The following SSH2 variants were observed in gnomAD, a reference collection of about 807,000 sequenced individuals.
SSH2 encodes the protein slingshot protein phosphatase 2.
Under a neutral mutation model 135.2 loss-of-function variants are expected in SSH2, and 37 were observed. The ratio of observed to expected loss-of-function variants is 0.27; its 90% CI spans 0.21 to 0.36. The LOEUF (loss-of-function observed/expected upper bound fraction) is 0.36, where lower values mean the gene tolerates loss of function less well. Ranked by LOEUF, SSH2 falls within the 10% of genes least tolerant of loss-of-function variation. The pLI, the probability that SSH2 is intolerant of heterozygous loss-of-function variation, is 1.00. For missense variants in SSH2, 1,408 were observed against 1,765.3 expected, an observed-to-expected ratio of 0.80 and a Z score of 3.63; for synonymous variants, 628 against 646.2, an observed-to-expected ratio of 0.97 and a Z score of 0.43.
At chr17:29,908,027 G>A (rs1336947722) in intron 1 of SSH2, among the ~76,000 whole-genome samples, 1 of 151,710 alleles carries the variant, frequency 6.6e-6, no homozygotes, top group Non-Finnish European at 1.5e-5. Flanking sequence ...TGTTGCCCAG[G>A]CTCGTCTTGA....
At chr17:29,872,465 G>A (rs571553517) in intron 1 of SSH2, among the ~76,000 whole-genome samples, 4 of 152,256 alleles carry the variant, frequency 2.6e-5, no homozygotes, top group Non-Finnish European at 5.9e-5. Flanking sequence ...ACTAAAGAAG[G>A]CAGAGAAGTC....
intron 3 of SSH2, among the ~76,000 whole-genome samples, chr17:29,763,946 C>CTT (rs57261890): frequency 2.9e-5 from 4 of 139,732 alleles, no homozygotes; most frequent in African/African-American, 2.7e-5. Context: ...ATGTCTCCTG[C>CTT]TTTTTTTTTT....
chr17:29,754,162 T>A (rs182298884), intron 3 of SSH2, among the ~76,000 whole-genome samples: 212 of 152,302 alleles, frequency 1.4e-3, no homozygotes, highest in African/African-American at 4.2e-3. Context: ...CCTTAGGCCA[T>A]CATCATCAGC....
At chr17:29,663,716 T>C (rs1188056116) in intron 11 of SSH2, among the ~76,000 whole-genome samples, 3 of 152,214 alleles carry the variant, frequency 2.0e-5, no homozygotes, top group Non-Finnish European at 4.4e-5. Context: ...AGATGTGTAT[T>C]TAAAAAGTAA....
At chr17:29,891,045 C>T (rs894148379) in intron 1 of SSH2, among the ~76,000 whole-genome samples, 1 of 152,098 alleles carries the variant, frequency 6.6e-6, no homozygotes, top group African/African-American at 2.4e-5. Flanking sequence ...TGAGCCACCA[C>T]GCCCGGTCTG....
intron 3 of SSH2, among the ~76,000 whole-genome samples, chr17:29,791,559 G>C (rs144119197): frequency 6.6e-6 from 1 of 152,248 alleles, no homozygotes; most frequent in East Asian, 1.9e-4. Context: ...TTTATTCTGT[G>C]GTGAGTGATG....
intron 3 of SSH2, among the ~76,000 whole-genome samples, chr17:29,744,616 A>G (rs1386221632): frequency 6.6e-6 from 1 of 152,176 alleles, no homozygotes; most frequent in African/African-American, 2.4e-5. Context: ...GCTTATATAG[A>G]ACATTAAATA....
chr17:29,679,094 C>G (rs1202074765), intron 6 of SSH2, among the ~76,000 whole-genome samples: 1 of 152,116 alleles, frequency 6.6e-6, no homozygotes, highest in Non-Finnish European at 1.5e-5. Flanking sequence ...AAGCCATGGA[C>G]CCCTGATTGT....
intron 1 of SSH2, among the ~76,000 whole-genome samples, chr17:29,886,679 G>A (rs1002691920): frequency 6.6e-6 from 1 of 151,442 alleles, no homozygotes; most frequent in African/African-American, 2.4e-5. Context: ...CCCAGGCGGT[G>A]GAGGTTGCAG....
intron 1 of SSH2, among the ~76,000 whole-genome samples, chr17:29,923,335 A>AT (rs2067008863): frequency 6.6e-6 from 1 of 152,112 alleles, no homozygotes. Flanking sequence ...TAGAAAAAAA[A>AT]GGGCTGGGTG....
At chr17:29,661,089 CA>C (rs2037020764) in intron 11 of SSH2, among the ~76,000 whole-genome samples, 1 of 145,986 alleles carries the variant, frequency 6.8e-6, no homozygotes. Context: ...AAAAGAAAAG[CA>C]AATACTCATT....
In SSH2 at chr17:29,876,205, A is replaced by G. The variant is rs948962067; in HGVS notation, c.64-27276T>C. On this transcript the variant is annotated intron_variant, in intron 1 of 15. Coordinates refer to ENST00000540801, the MANE Select transcript of SSH2 (RefSeq NM_001282129.2). Reference sequence around the variant, plus strand: ...CTATCCTAAGGTAAAAAGAAAAAAAAAAAAAAAGGAGGAATCATATTACCT... The same window carrying G: ...CTATCCTAAGGTAAAAAGAAAAAAAGAAAAAAAGGAGGAATCATATTACCT... Among the ~76,000 whole-genome samples the G allele has an allele frequency of 2.4e-4, 36 of 152,106 alleles. No homozygotes were observed. The East Asian group carries it at 5.6e-3, about 24-fold the overall frequency.
intron 6 of SSH2, 80 bp downstream of exon 6, chr17:29,684,483 T>TAAA (rs11307211): frequency 1.4e-4 from 133 of 956,164 alleles, no homozygotes; most frequent in Non-Finnish European, 1.5e-4. Context: ...CCGTCCCCAT[T>TAAA]AAAAAAAAAA....
chr17:29,647,351 C>CA (rs1357563839), intron 14 of SSH2, among the ~76,000 whole-genome samples: 1 of 150,950 alleles, frequency 6.6e-6, no homozygotes, highest in Non-Finnish European at 1.5e-5. Context: ...GACCCTGTCT[C>CA]AAAAAACATA....
chr17:29,687,252 TGG>T (rs1567878527), intron 5 of SSH2, among the ~76,000 whole-genome samples: 15 of 152,180 alleles, frequency 9.9e-5, no homozygotes, highest in African/African-American at 3.6e-4. Flanking sequence ...GAGACTCCCA[TGG>T]CTATCTTTTT....
At chr17:29,672,748 G>C in intron 8 of SSH2, among the ~76,000 whole-genome samples, 1 of 152,282 alleles carries the variant, frequency 6.6e-6, no homozygotes, top group South Asian at 2.1e-4. Context: ...CTGTCACAGA[G>C]GCTGGAGTGC....
chr17:29,859,836 A>T (rs550121521), intron 1 of SSH2, among the ~76,000 whole-genome samples: 1 of 151,888 alleles, frequency 6.6e-6, no homozygotes, highest in Admixed American at 6.6e-5. Context: ...GTCGAATGGT[A>T]GCTCTGTTTT....
chr17:29,799,066 T>A (rs2042206642), intron 2 of SSH2, among the ~76,000 whole-genome samples: 1 of 152,250 alleles, frequency 6.6e-6, no homozygotes, highest in South Asian at 2.1e-4. Context: ...TTTCCCAATA[T>A]GCTTTTTAAA....
intron 2 of SSH2, among the ~76,000 whole-genome samples, chr17:29,829,454 T>G (rs2042800185): frequency 6.6e-6 from 1 of 151,332 alleles, no homozygotes. Flanking sequence ...AAGCCCCAAC[T>G]GTCGATGGCT....
Sources: gnomAD v4.1 joint callset for allele counts (sites outside exome capture counted in the v4.1 genomes callset) on GRCh38, gnomAD v4.1.1 for gene constraint, MANE v1.5 for transcripts, NCBI Gene and HGNC (gene_info 2026-07-23, HGNC 2026-07-21) for gene names.